ADAMTS2: variants seen among roughly 807,000 people sequenced by gnomAD.
ADAMTS2 encodes the protein A disintegrin and metalloproteinase with thrombospondin motifs 2.
A neutral mutation model predicts 123.0 loss-of-function variants in ADAMTS2; 50 were observed. The observed-to-expected ratio is 0.41, with a 90% CI of 0.32 to 0.51. ADAMTS2 has a LOEUF of 0.51. ADAMTS2 is among the 20% of genes least tolerant of loss of function. The probability of loss-of-function intolerance (pLI) is 0.35; values close to 1 mark genes in which losing one functional copy is unlikely to be tolerated. For synonymous variants in ADAMTS2, 678 were observed against 695.4 expected, an observed-to-expected ratio of 0.98 and a Z score of 0.39; for missense variants, 1,494 against 1,705.2, an observed-to-expected ratio of 0.88 and a Z score of 2.18.
intron 5 of ADAMTS2, among the ~76,000 whole-genome samples, chr5:179,168,812 A>C (rs533883459): frequency 3.3e-5 from 5 of 152,310 alleles, no homozygotes; most frequent in Admixed American, 3.3e-4. Flanking sequence ...CCAAGGCTGG[A>C]GGTCTCTTGT....
At chr5:179,179,706 C>A (rs1764004415) in intron 5 of ADAMTS2, among the ~76,000 whole-genome samples, 1 of 152,188 alleles carries the variant, frequency 6.6e-6, no homozygotes, top group African/African-American at 2.4e-5. Flanking sequence ...CCTGTGGGTG[C>A]CTTCGGTCAC....
intron 10 of ADAMTS2, among the ~76,000 whole-genome samples, chr5:179,147,535 C>T (rs771921448): frequency 6.6e-6 from 1 of 152,186 alleles, no homozygotes; most frequent in African/African-American, 2.4e-5. Flanking sequence ...GTAGTGACAA[C>T]CTCCGGTACC....
At chr5:179,204,310 C>T (rs552515759) in intron 4 of ADAMTS2, among the ~76,000 whole-genome samples, 23 of 152,312 alleles carry the variant, frequency 1.5e-4, no homozygotes, top group Non-Finnish European at 3.2e-4. Flanking sequence ...GCCACCGAAT[C>T]GCACGCTTAA....
intron 3 of ADAMTS2, among the ~76,000 whole-genome samples, chr5:179,208,104 C>G (rs189050094): frequency 6.6e-6 from 1 of 152,308 alleles, no homozygotes; most frequent in African/African-American, 2.4e-5. Flanking sequence ...AGGTCGGGAA[C>G]CTCAGCCCGC....
At position 179,314,757 on chromosome 5, in the gene ADAMTS2, C is replaced by G. The variant is rs79503581; in HGVS notation, c.534+29010G>C. Among the ~76,000 whole-genome samples the G allele has an allele frequency of 0.022, 3,407 of 152,240 alleles. 114 individuals are homozygous for G. The highest frequency in any genetic ancestry group is 0.077 in the African/African-American group (3,212 of 41,536). ...GCACCCAGGTGGGGCTCCTGTCCCC[C>G]GCCAGTGCCCCCAACCTCTACTCCA... On this transcript the variant is annotated intron_variant, in intron 2 of 21. Coordinates refer to ENST00000251582, the MANE Select transcript of ADAMTS2 (RefSeq NM_014244.5). The surrounding 1 kb of genome is among the most constrained non-coding windows in gnomAD (Gnocchi z 4.5).
rs149893931 is a variant in ADAMTS2, at chr5:179,219,635, C to A, written c.689-11920G>T. Among the ~76,000 whole-genome samples, 210 of 152,332 alleles carry A rather than the reference C, an allele frequency of 1.4e-3. 1 individual carries two copies. Among genetic ancestry groups the A allele is most frequent in the Middle Eastern group, 0.01 (3 of 294 alleles). On this transcript the variant is annotated intron_variant, in intron 3 of 21. Transcript: ENST00000251582. The stretch of plus-strand genomic sequence containing the variant: ...GGTGCCCAGCAGAGGTGTGAGGCTG[C>A]TGAGGTTGAGCCCAAGCCAGCAGGG...
At position 179,193,835 on chromosome 5, in the gene ADAMTS2, C is replaced by T. The variant is rs142806259; in HGVS notation, c.892-12680G>A. Reference sequence around the variant, plus strand: ...ACACACCACCAAGGAGACCCCTGGACTGGGGAGGAAGACCCAGGATTGCTT... The same window carrying T: ...ACACACCACCAAGGAGACCCCTGGATTGGGGAGGAAGACCCAGGATTGCTT... On this transcript the variant is annotated intron_variant, in intron 4 of 21. Transcript: ENST00000251582. Among the ~76,000 whole-genome samples, 35 of 152,320 alleles carry T rather than the reference C, an allele frequency of 2.3e-4. No individual in the cohort carries two copies. The East Asian group carries it at 6.2e-3, about 27-fold the overall frequency.
At chr5:179,265,690 C>T (rs1477008115) in intron 3 of ADAMTS2, among the ~76,000 whole-genome samples, 2 of 152,224 alleles carry the variant, frequency 1.3e-5, no homozygotes, top group East Asian at 1.9e-4. Context: ...TTCCCAGCGC[C>T]GGCCCCCGCC....
chr5:179,119,331 G>GC (rs1180169492), intron 21 of ADAMTS2, among the ~76,000 whole-genome samples: 1 of 152,184 alleles, frequency 6.6e-6, no homozygotes, highest in East Asian at 1.9e-4. Context: ...CCGGCCCTAT[G>GC]CCCAAGGCCT....
chr5:179,139,327 T>A (rs1457333573), intron 11 of ADAMTS2, among the ~76,000 whole-genome samples: 2 of 147,858 alleles, frequency 1.4e-5, no homozygotes, highest in African/African-American at 5.0e-5. Context: ...ATTTACGGGG[T>A]GTGTGGGGGT....
At chr5:179,209,313 A>T (rs1285668291) in intron 3 of ADAMTS2, among the ~76,000 whole-genome samples, 1 of 152,232 alleles carries the variant, frequency 6.6e-6, no homozygotes, top group African/African-American at 2.4e-5. Flanking sequence ...AGACAGACTG[A>T]ACATGAAGTT....
chr5:179,258,191 T>C (rs919230675), intron 3 of ADAMTS2, among the ~76,000 whole-genome samples: 2 of 152,156 alleles, frequency 1.3e-5, no homozygotes, highest in South Asian at 2.1e-4. Context: ...GGACTGCCCA[T>C]GGCTGTGGGC....
chr5:179,197,368 G>C lies in ADAMTS2; in HGVS notation c.891+10145C>G, dbSNP rs1764451387. ...TTAGTGAAATGCTTGAAGCCACAAA[G>C]GAAGCTTCAGCCTTGGGCCCAAGCT... On this transcript the variant is annotated intron_variant, in intron 4 of 21. Transcript: ENST00000251582. The surrounding 1 kb of genome is among the most constrained non-coding windows in gnomAD (Gnocchi z 4.2). 6.6e-6 allele frequency among the ~76,000 whole-genome samples: 1 copy of C among 152,172 alleles called. No homozygotes were observed. The highest frequency in any genetic ancestry group is 2.1e-4 in the South Asian group (1 of 4,822).
chr5:179,257,831 C>T (rs1766105949), intron 3 of ADAMTS2, among the ~76,000 whole-genome samples: 1 of 152,200 alleles, frequency 6.6e-6, no homozygotes, highest in African/African-American at 2.4e-5. Flanking sequence ...CGGCCACTGC[C>T]CCGGGCTGCT....
chr5:179,299,599 A>G (rs991349506), intron 2 of ADAMTS2, among the ~76,000 whole-genome samples: 6 of 150,130 alleles, frequency 4.0e-5, no homozygotes, highest in African/African-American at 1.5e-4. Flanking sequence ...GAAGTCCACA[A>G]TGGGTCTCAC....
intron 3 of ADAMTS2, among the ~76,000 whole-genome samples, chr5:179,267,516 G>T (rs923840812): frequency 3.9e-5 from 6 of 152,256 alleles, no homozygotes; most frequent in African/African-American, 1.4e-4. Flanking sequence ...AGCAGGGTGT[G>T]TGCACAGCAG....
intron 2 of ADAMTS2, among the ~76,000 whole-genome samples, chr5:179,309,366 T>C (rs768991998): frequency 6.6e-6 from 1 of 152,100 alleles, no homozygotes; most frequent in Non-Finnish European, 1.5e-5. Context: ...CAGTCAGATG[T>C]CTGCAGACAC....
Position 179,128,386 on chromosome 5 carries a change from T to G in ADAMTS2, c.2458-268A>C, listed in dbSNP as rs998833507. On this transcript the variant is annotated intron_variant, in intron 16 of 21. Transcript: ENST00000251582. The surrounding 1 kb of genome is among the most constrained non-coding windows in gnomAD (Gnocchi z 4.9). ...GTTTTATGTGTGAGTCTGTTTATTTTTTTGTTTGTTTTTGTTTGTTTTTGA... is the reference window on the plus strand; with the variant it reads ...GTTTTATGTGTGAGTCTGTTTATTTGTTTGTTTGTTTTTGTTTGTTTTTGA... 1.3e-5 allele frequency among the ~76,000 whole-genome samples: 2 copies of G among 151,458 alleles called. No individual in the cohort carries two copies. Among genetic ancestry groups the G allele is most frequent in the African/African-American group, 4.8e-5 (2 of 41,356 alleles).
At chr5:179,125,433 C>T (rs1359063925) in intron 18 of ADAMTS2, among the ~76,000 whole-genome samples, 2 of 152,220 alleles carry the variant, frequency 1.3e-5, no homozygotes, top group Admixed American at 6.5e-5. Context: ...CTGGGAGGCC[C>T]TGGTGGAGCT....
Sources: gnomAD v4.1 joint callset for allele counts (sites outside exome capture counted in the v4.1 genomes callset) on GRCh38, gnomAD v4.1.1 for gene constraint, Gnocchi (gnomAD v3.1) non-coding constraint, MANE v1.5 for transcripts, NCBI Gene and HGNC (gene_info 2026-07-23, HGNC 2026-07-21) for gene names.